The following CSMD1 variants were observed in gnomAD, a reference collection of about 807,000 sequenced individuals.
CSMD1 encodes the protein CUB and sushi domain-containing protein 1.
In CSMD1, 213 loss-of-function variants were observed where a neutral mutation model predicts 417.5. The observed-to-expected ratio is 0.51, with a 90% CI of 0.46 to 0.57. The LOEUF (loss-of-function observed/expected upper bound fraction) is 0.57. CSMD1 is among the 20% of genes least tolerant of loss of function. The pLI is 0.00. For synonymous variants in CSMD1, 2,862 were observed against 1,736.8 expected (o/e 1.65, Z -16.11); for missense variants, 6,923 against 4,529.7 (o/e 1.53, Z -15.17).
At chr8:4,204,165 C>T (rs1423536419) in intron 3 of CSMD1, among the ~76,000 whole-genome samples, 1 of 152,100 alleles carries the variant, frequency 6.6e-6, no homozygotes, top group Non-Finnish European at 1.5e-5. Context: ...AATTCATTGA[C>T]TGTGCCCATG....
intron 10 of CSMD1, among the ~76,000 whole-genome samples, chr8:3,558,756 G>T (rs547917247): frequency 1.3e-5 from 2 of 151,074 alleles, no homozygotes; most frequent in East Asian, 2.0e-4. Context: ...ATGATGAATA[G>T]TGCCTCAATA....
intron 1 of CSMD1, among the ~76,000 whole-genome samples, chr8:4,701,053 A>C (rs1475834031): frequency 6.6e-6 from 1 of 152,172 alleles, no homozygotes; most frequent in Non-Finnish European, 1.5e-5. Context: ...TGAGTACATA[A>C]AACATCTGAT....
intron 7 of CSMD1, among the ~76,000 whole-genome samples, chr8:3,637,894 G>C (rs192225231): frequency 5.4e-4 from 82 of 152,278 alleles, no homozygotes; most frequent in African/African-American, 1.9e-3. Flanking sequence ...CTACAGAGCA[G>C]TTCCCCTGCC....
intron 12 of CSMD1, among the ~76,000 whole-genome samples, chr8:3,417,902 C>T (rs1279640438): frequency 6.6e-6 from 1 of 152,176 alleles, no homozygotes. Context: ...TTACTGAAAA[C>T]CATATGACAC....
At chr8:4,663,389 A>T (rs1433801424) in intron 1 of CSMD1, among the ~76,000 whole-genome samples, 1 of 152,172 alleles carries the variant, frequency 6.6e-6, no homozygotes, top group Non-Finnish European at 1.5e-5. Context: ...TCTTTGGAAG[A>T]TGCTAAGTGA....
Position 4,271,352 on chromosome 8 carries a change from T to G in CSMD1, c.415+148601A>C, listed in dbSNP as rs75845433. 3.1e-3 allele frequency among the ~76,000 whole-genome samples: 466 copies of G among 152,240 alleles called. 2 individuals are homozygous for G. The highest frequency in any genetic ancestry group is 0.011 in the African/African-American group (439 of 41,556). ...CATTAGTAAGAAACACTGGCAGTGC[T>G]TGGAAAATGTCAAAATAAATAAATA... On this transcript the variant is annotated intron_variant, in intron 3 of 69. Transcript: ENST00000635120.
chr8:4,972,885 T>C (rs748786162), intron 1 of CSMD1, among the ~76,000 whole-genome samples: 1 of 152,164 alleles, frequency 6.6e-6, no homozygotes, highest in African/African-American at 2.4e-5. Flanking sequence ...TAAATGAACA[T>C]AGGTACTGGG....
At chr8:4,406,757 A>G (rs1346083978) in intron 3 of CSMD1, among the ~76,000 whole-genome samples, 1 of 152,204 alleles carries the variant, frequency 6.6e-6, no homozygotes, top group Admixed American at 6.5e-5. Flanking sequence ...CCAACAAAGA[A>G]AAAAATAATT....
At position 4,782,785 on chromosome 8, in the gene CSMD1, T is replaced by A. The variant is rs191076560; in HGVS notation, c.86-145227A>T. ...TTCTAGTTAGTAATAGTTTCCAAGA[T>A]TCCTGATTATATCTATTTTCACATG... On this transcript the variant is annotated intron_variant, in intron 1 of 69. Transcript: ENST00000635120. Among the ~76,000 whole-genome samples the A allele has an allele frequency of 3.0e-3, 459 of 152,312 alleles. 1 individual carries two copies. Among genetic ancestry groups the A allele is most frequent in the Non-Finnish European group, 3.8e-3 (259 of 68,022 alleles).
chr8:4,750,118 G>A (rs1242580413), intron 1 of CSMD1, among the ~76,000 whole-genome samples: 6 of 152,142 alleles, frequency 3.9e-5, no homozygotes, highest in South Asian at 2.1e-4. Flanking sequence ...CCATTCTCCT[G>A]CCTCAGCCTC....
intron 6 of CSMD1, among the ~76,000 whole-genome samples, chr8:3,737,204 G>C (rs762062956): frequency 1.4e-5 from 2 of 147,004 alleles, no homozygotes; most frequent in Non-Finnish European, 3.0e-5. Context: ...AATGACTATC[G>C]GGAGAAATTA....
intron 23 of CSMD1, among the ~76,000 whole-genome samples, chr8:3,342,080 G>A (rs1807693403): frequency 1.3e-5 from 2 of 152,150 alleles, no homozygotes; most frequent in South Asian, 4.1e-4. Context: ...TCAGTTTATT[G>A]TGCACAAATA....
chr8:4,065,210 G>A (rs1215208664), intron 3 of CSMD1, among the ~76,000 whole-genome samples: 1 of 152,126 alleles, frequency 6.6e-6, no homozygotes, highest in South Asian at 2.1e-4. Flanking sequence ...TCTTATGAAA[G>A]AAAATAGTCC....
chr8:3,400,469 G>GA (rs1266661222), intron 15 of CSMD1, among the ~76,000 whole-genome samples: 2 of 151,992 alleles, frequency 1.3e-5, no homozygotes, highest in African/African-American at 4.8e-5. Context: ...TTTGATGCTA[G>GA]AAAAAATGTG....
chr8:3,034,996 A>C (rs1248928873), intron 50 of CSMD1, among the ~76,000 whole-genome samples: 1 of 152,168 alleles, frequency 6.6e-6, no homozygotes. Context: ...GGATGGCCCT[A>C]ACACTCAAAG....
chr8:4,146,785 G>C (rs549401743), intron 3 of CSMD1, among the ~76,000 whole-genome samples: 5 of 149,002 alleles, frequency 3.4e-5, no homozygotes, highest in African/African-American at 7.7e-5. Flanking sequence ...CTAATTTTTT[G>C]TATTTTTAGT....
intron 1 of CSMD1, among the ~76,000 whole-genome samples, chr8:4,722,482 C>T (rs917823750): frequency 2.6e-5 from 4 of 152,000 alleles, no homozygotes; most frequent in African/African-American, 9.7e-5. Context: ...GTCACTATAT[C>T]CTGCTTCCAT....
chr8:4,466,135 G>A (rs556561817), intron 2 of CSMD1, among the ~76,000 whole-genome samples: 15 of 152,290 alleles, frequency 9.8e-5, no homozygotes, highest in African/African-American at 3.6e-4. Context: ...GTTTTATAAA[G>A]AATGAAATAT....
At chr8:4,542,175 C>G (rs1228891602) in intron 2 of CSMD1, among the ~76,000 whole-genome samples, 1 of 152,100 alleles carries the variant, frequency 6.6e-6, no homozygotes, top group Non-Finnish European at 1.5e-5. Context: ...ACTCTTAGTT[C>G]TAAGTCTTCC....
Sources: allele counts gnomAD v4.1 joint callset (sites outside exome capture counted in the v4.1 genomes callset), GRCh38; gene constraint gnomAD v4.1.1; transcripts MANE v1.5; gene names NCBI Gene and HGNC (gene_info 2026-07-23, HGNC 2026-07-21).